The following KDM3A variants were observed in gnomAD, a reference collection of about 807,000 sequenced individuals.
The protein encoded by KDM3A is lysine-specific demethylase 3A.
Under a neutral mutation model 158.0 loss-of-function variants are expected in KDM3A, and 60 were observed. The observed-to-expected ratio is 0.38, with a 90% CI of 0.31 to 0.47. KDM3A has a LOEUF of 0.47. KDM3A is among the 20% of genes least tolerant of loss of function. KDM3A has a pLI of 0.99. For synonymous variants in KDM3A, 608 were observed against 549.3 expected, an observed-to-expected ratio of 1.11 and a Z score of -1.49; for missense variants, 1,319 against 1,574.3, an observed-to-expected ratio of 0.84 and a Z score of 2.74.
chr2:86,462,214 A>G (rs549818743), intron 8 of KDM3A, among the ~76,000 whole-genome samples: 1 of 148,330 alleles, frequency 6.7e-6, no homozygotes, highest in Non-Finnish European at 1.5e-5. Flanking sequence ...TTTTTTTTTA[A>G]CTTGAGCGGC....
chr2:86,471,349 G>A (rs55721077), intron 11 of KDM3A, among the ~76,000 whole-genome samples: 136,199 of 151,336 alleles, frequency 0.9, 61,491 homozygotes, highest in East Asian at 0.99. Flanking sequence ...ATGTATATAT[G>A]TGTGTGTGTA....
At position 86,442,369 on chromosome 2, in the gene KDM3A, A is replaced by G. The variant is rs1164711918; in HGVS notation, c.186+136A>G. 6.4e-5 allele frequency: 52 copies of G among 809,532 alleles called. No individual in the cohort carries two copies. In the Admixed American group the frequency reaches 1.5e-3, roughly 24 times the overall value. The allele number at this position is 809,532 out of a possible 1,614,324, so 50.1% of individuals were successfully genotyped here. A position where few individuals can be genotyped will look rare whatever the true frequency, so the allele number is the denominator to read the frequency against. On this transcript the variant is annotated intron_variant, in intron 2 of 25. Coordinates refer to ENST00000312912, the MANE Select transcript of KDM3A (RefSeq NM_018433.6). ...ATGATCTGAAGGTGCAGGAAGCTAGATCTTGAAAGTCTTTGGAATGGTTGT... is the reference window on the plus strand; with the variant it reads ...ATGATCTGAAGGTGCAGGAAGCTAGGTCTTGAAAGTCTTTGGAATGGTTGT...
At chr2:86,457,638 A>C (rs1672761750) in intron 8 of KDM3A, among the ~76,000 whole-genome samples, 1 of 152,198 alleles carries the variant, frequency 6.6e-6, no homozygotes, top group East Asian at 1.9e-4. Context: ...AAGTGTTCTT[A>C]AAGGTAAATT....
intron 15 of KDM3A, 82 bp downstream of exon 15, chr2:86,478,817 G>C (rs1242692404): frequency 6.3e-6 from 9 of 1,419,140 alleles, no homozygotes; most frequent in African/African-American, 2.8e-5. Context: ...ATTTCTATCA[G>C]TGCATTTGAA....
chr2:86,474,701 T>TGTGTG (rs1553396794), intron 11 of KDM3A, 75 bp from the exon 12 acceptor site: 59 of 429,172 alleles, frequency 1.4e-4, no homozygotes, highest in Middle Eastern at 7.1e-4. Context: ...TGTAAATAAG[T>TGTGTG]TGTGTGTGTG....
Position 86,462,976 on chromosome 2 carries a change from A to C in KDM3A, c.844-1077A>C, listed in dbSNP as rs1041977672. On this transcript the variant is annotated intron_variant, in intron 8 of 25. Transcript: ENST00000312912. ...CATGGTGGTACATGCCTGTAATCCCAGCTACTCGGGAGGCTGAGCCCTGAG... is the reference window on the plus strand; with the variant it reads ...CATGGTGGTACATGCCTGTAATCCCCGCTACTCGGGAGGCTGAGCCCTGAG... 4.6e-5 allele frequency among the ~76,000 whole-genome samples: 7 copies of C among 152,282 alleles called. No individual in the cohort carries two copies. In the East Asian group the frequency reaches 1.2e-3, roughly 25 times the overall value.
At chr2:86,446,167 A>G (rs1467383469) in intron 2 of KDM3A, among the ~76,000 whole-genome samples, 1 of 152,232 alleles carries the variant, frequency 6.6e-6, no homozygotes, top group Non-Finnish European at 1.5e-5. Context: ...CATTTGGTCA[A>G]GGTGTTTCAT....
Position 86,457,061 on chromosome 2 carries a change from C to T in KDM3A, c.833C>T (p.Ser278Phe). 1 of 1,586,230 alleles carries T rather than the reference C, an allele frequency of 6.3e-7. No individual in the cohort carries two copies. The highest frequency in any genetic ancestry group is 1.7e-5 in the Admixed American group (1 of 58,364). ...NGTLVSKQAK[S>F]CSEASPSMCP... ...ACCCTGGTTTCCAAACAAGCAAAAT[C>T]TTGCTCTGAGGTAACCTTTATTTAT... Residue 278 changes from serine (S) to phenylalanine (F), a missense_variant, in exon 8 of 26, where the codon TCT becomes TTT. Coordinates refer to ENST00000312912, the MANE Select transcript of KDM3A (RefSeq NM_018433.6).
At position 86,456,527 on chromosome 2, in the gene KDM3A, A is replaced by G; in HGVS notation, c.642A>G (p.Gly214=). The G allele has an allele frequency of 6.2e-7, 1 of 1,609,846 alleles. No homozygotes were observed. Among genetic ancestry groups the G allele is most frequent in the Non-Finnish European group, 8.5e-7 (1 of 1,177,836 alleles). ...GGTTTTCAGCAACCGTTATAAATGG[A>G]AACCCAGCATCAAAAACTCTTCAAG... ...TQWFSATVIN[G]NPASKTLQVN... The change falls in exon 6 of 26, where the codon GGA becomes GGG. Residue 214 remains glycine (G), a synonymous_variant. Coordinates refer to ENST00000312912, the MANE Select transcript of KDM3A (RefSeq NM_018433.6).
chr2:86,443,392 G>A (rs1164848486), intron 2 of KDM3A: 1 of 152,212 alleles, frequency 6.6e-6, no homozygotes, highest in African/African-American at 2.4e-5. Flanking sequence ...TGTAGGAAAG[G>A]GGTATGCTGT....
intron 8 of KDM3A, among the ~76,000 whole-genome samples, chr2:86,461,883 G>A (rs536024904): frequency 7.2e-5 from 11 of 152,214 alleles, no homozygotes; most frequent in African/African-American, 1.7e-4. Flanking sequence ...GTGAGCAAGC[G>A]GGGCAGTGAA....
In KDM3A at chr2:86,477,296, T is replaced by A. The variant is rs1362631220; in HGVS notation, c.1940-581T>A. Among the ~76,000 whole-genome samples the A allele has an allele frequency of 3.9e-5, 6 of 152,322 alleles. No individual in the cohort carries two copies. The East Asian group carries it at 9.7e-4, about 25-fold the overall frequency. On this transcript the variant is annotated intron_variant, in intron 12 of 25. Transcript: ENST00000312912. ...TCTGACTGACTGGTGAAGAAACTGA[T>A]CTTGGACCATTGTGCCTGCACAAAG... is the stretch of plus-strand genomic sequence containing the variant.
chr2:86,474,759 T>C lies in KDM3A; in HGVS notation c.1725-17T>C, dbSNP rs552795379. On this transcript the variant is annotated splice_polypyrimidine_tract_variant and intron_variant, in intron 11 of 25. Coordinates refer to ENST00000312912, the MANE Select transcript of KDM3A (RefSeq NM_018433.6). ...TGTGTGTGTACATTACATCTTTTTT[T>C]CCCCTGCTTCCCCTAGGTTACAATT... 37 of 1,519,692 alleles carry C rather than the reference T, an allele frequency of 2.4e-5. No individual in the cohort carries two copies. Among genetic ancestry groups the C allele is most frequent in the Middle Eastern group, 1.7e-4 (1 of 5,864 alleles). The allele number at this position is 1,519,692 out of a possible 1,614,324, so 94.1% of individuals were successfully genotyped here.
At chr2:86,446,140 A>G (rs1682949805) in intron 2 of KDM3A, among the ~76,000 whole-genome samples, 1 of 152,216 alleles carries the variant, frequency 6.6e-6, no homozygotes, top group Admixed American at 6.5e-5. Context: ...TTGGCTTGAA[A>G]AATCTGAAAT....
intron 4 of KDM3A, 125 bp from the exon 5 acceptor site, chr2:86,454,960 T>A: frequency 1.8e-6 from 1 of 569,254 alleles, no homozygotes. Context: ...TGATTTGGGC[T>A]ATCACATGGT....
At chr2:86,486,166 T>A (rs1227615304) in intron 21 of KDM3A, among the ~76,000 whole-genome samples, 2 of 152,216 alleles carry the variant, frequency 1.3e-5, no homozygotes, top group African/African-American at 4.8e-5. Flanking sequence ...TGATACATCA[T>A]TGAGAGAATG....
chr2:86,440,919 G>A (rs1396990516), upstream of KDM3A: 2 of 152,328 alleles, frequency 1.3e-5, no homozygotes, highest in East Asian at 3.9e-4. Flanking sequence ...CCAAGTGGAA[G>A]GCTCATCTTC....
intron 7 of KDM3A, 37 bp from the exon 8 acceptor site, chr2:86,456,946 C>T (rs758647630): frequency 1.3e-6 from 2 of 1,569,078 alleles, no homozygotes; most frequent in East Asian, 4.5e-5. Context: ...TTAAGAGAAA[C>T]AGGGAAGCCA....
At chr2:86,442,670 A>G (rs1410929299) in intron 2 of KDM3A, 2 of 154,838 alleles carry the variant, frequency 1.3e-5, no homozygotes, top group Non-Finnish European at 2.9e-5. Context: ...TTTTAAAAAA[A>G]CTTTCAGACT....
Sources: allele counts gnomAD v4.1 joint callset (sites outside exome capture counted in the v4.1 genomes callset), GRCh38; gene constraint gnomAD v4.1.1; transcripts MANE v1.5; gene names NCBI Gene and HGNC (gene_info 2026-07-23, HGNC 2026-07-21).